The following SHROOM3 variants were observed in gnomAD, a reference collection of about 807,000 sequenced individuals.
SHROOM3 encodes shroom family member 3.
In SHROOM3, 47 loss-of-function variants were observed where a neutral mutation model predicts 138.6. The ratio of observed to expected loss-of-function variants is 0.34; its 90% confidence interval spans 0.27 to 0.43. The LOEUF (loss-of-function observed/expected upper bound fraction) is 0.43. Among genes scored for constraint, SHROOM3 ranks in the 20% least tolerant of loss-of-function variants. The pLI is 1.00. For synonymous variants in SHROOM3, 1,062 were observed against 1,063.3 expected (o/e 1.00, Z 0.02); for missense variants, 2,491 against 2,596.5 (o/e 0.96, Z 0.88).
At chr4:76,757,743 G>A (rs533474080) in intron 8 of SHROOM3, among the ~76,000 whole-genome samples, 6 of 152,164 alleles carry the variant, frequency 3.9e-5, no homozygotes, top group Non-Finnish European at 8.8e-5. Flanking sequence ...CCAGTGTGCA[G>A]TCTGTGCTTT....
At chr4:76,600,050 G>C (rs564917003) in intron 2 of SHROOM3, among the ~76,000 whole-genome samples, 2 of 152,164 alleles carry the variant, frequency 1.3e-5, no homozygotes, top group African/African-American at 4.8e-5. Flanking sequence ...TACTCAGGAG[G>C]CTGAGGTGGG....
At chr4:76,459,209 T>G (rs923569260) in intron 1 of SHROOM3, among the ~76,000 whole-genome samples, 29 of 152,312 alleles carry the variant, frequency 1.9e-4, no homozygotes, top group South Asian at 4.1e-4. Flanking sequence ...GCCATCAAAC[T>G]GGGTAAAATG....
intron 1 of SHROOM3, among the ~76,000 whole-genome samples, chr4:76,528,473 G>A (rs1206839979): frequency 6.7e-6 from 1 of 149,276 alleles, no homozygotes; most frequent in Non-Finnish European, 1.5e-5. Flanking sequence ...GCTTGCTCAT[G>A]CTCAGCAAAA....
chr4:76,750,762 A>C (rs913859308), intron 6 of SHROOM3, among the ~76,000 whole-genome samples: 2 of 152,030 alleles, frequency 1.3e-5, no homozygotes, highest in African/African-American at 4.8e-5. Flanking sequence ...CACAGGTGGC[A>C]ATTTTGTGGG....
intron 10 of SHROOM3, among the ~76,000 whole-genome samples, chr4:76,773,420 A>G (rs888817506): frequency 2.1e-4 from 32 of 152,018 alleles, no homozygotes; most frequent in Middle Eastern, 6.8e-3. Context: ...AAACTGACAG[A>G]AAGTACATGG....
At chr4:76,581,059 C>T (rs116659765) in intron 2 of SHROOM3, among the ~76,000 whole-genome samples, 103 of 152,088 alleles carry the variant, frequency 6.8e-4, no homozygotes, top group African/African-American at 2.4e-3. Flanking sequence ...AGTTTGTGTT[C>T]CACAATGATT....
intron 1 of SHROOM3, among the ~76,000 whole-genome samples, chr4:76,502,575 G>A (rs1043299070): frequency 1.3e-5 from 2 of 152,190 alleles, no homozygotes; most frequent in Admixed American, 1.3e-4. Context: ...GAATTGCTTG[G>A]TGTGTGGGGA....
At chr4:76,472,206 T>C (rs1731389930) in intron 1 of SHROOM3, among the ~76,000 whole-genome samples, 1 of 152,208 alleles carries the variant, frequency 6.6e-6, no homozygotes, top group African/African-American at 2.4e-5. Flanking sequence ...ATACACCTCA[T>C]GTGGATTGGG....
intron 1 of SHROOM3, among the ~76,000 whole-genome samples, chr4:76,462,671 TCTCTCCCTCTCCCTCTCC>T (rs1224348152): frequency 6.6e-6 from 1 of 151,114 alleles, no homozygotes; most frequent in Non-Finnish European, 1.5e-5. Flanking sequence ...CTTTGTTCTC[TCTCTCCCTCTCCCTCTCC>T]CTCTCTCTCT....
At chr4:76,643,820 G>A (rs1439613541) in intron 2 of SHROOM3, among the ~76,000 whole-genome samples, 1 of 152,126 alleles carries the variant, frequency 6.6e-6, no homozygotes, top group African/African-American at 2.4e-5. Context: ...ATTATTTACT[G>A]TTGGGTAGAA....
At chr4:76,572,444 G>A (rs1034521709) in intron 2 of SHROOM3, among the ~76,000 whole-genome samples, 9 of 152,170 alleles carry the variant, frequency 5.9e-5, no homozygotes, top group African/African-American at 1.9e-4. Flanking sequence ...GTCTCCCTGT[G>A]TGACTGACAC....
intron 2 of SHROOM3, among the ~76,000 whole-genome samples, chr4:76,636,243 ATT>A (rs1331672647): frequency 6.6e-6 from 1 of 152,202 alleles, no homozygotes; most frequent in African/African-American, 2.4e-5. Flanking sequence ...TGTGACAAAT[ATT>A]TCAAGAAACA....
intron 1 of SHROOM3, among the ~76,000 whole-genome samples, chr4:76,484,410 GA>G (rs377149865): frequency 0.05 from 7,363 of 146,808 alleles, 210 homozygotes; most frequent in Middle Eastern, 0.076. Context: ...CATCTCTTAA[GA>G]AAAAAAAAAA....
intron 1 of SHROOM3, among the ~76,000 whole-genome samples, chr4:76,447,257 G>A (rs989263093): frequency 1.3e-5 from 2 of 152,168 alleles, no homozygotes; most frequent in African/African-American, 4.8e-5. Context: ...AAAGTGCTTA[G>A]CACTTTGTAT....
intron 1 of SHROOM3, among the ~76,000 whole-genome samples, chr4:76,462,738 A>ATCTCTC (rs1423300494): frequency 2.4e-5 from 2 of 82,066 alleles, no homozygotes; most frequent in Middle Eastern, 9.4e-3. Context: ...TTCCCTCTCC[A>ATCTCTC]TCTCCATCTC....
chr4:76,570,604 C>T (rs572870670), intron 2 of SHROOM3, among the ~76,000 whole-genome samples: 3 of 152,306 alleles, frequency 2.0e-5, no homozygotes, highest in African/African-American at 7.2e-5. Context: ...GAATTTAAGA[C>T]TCACCGTGTT....
At chr4:76,582,244 A>T (rs986837561) in intron 2 of SHROOM3, among the ~76,000 whole-genome samples, 5 of 152,160 alleles carry the variant, frequency 3.3e-5, no homozygotes, top group Admixed American at 3.3e-4. Flanking sequence ...CCCATTCATA[A>T]ATTTCCTAAG....
intron 1 of SHROOM3, among the ~76,000 whole-genome samples, chr4:76,514,661 T>G (rs1305128376): frequency 6.6e-6 from 1 of 152,236 alleles, no homozygotes; most frequent in Non-Finnish European, 1.5e-5. Context: ...GGATTTAATT[T>G]TATGATATGC....
At chr4:76,676,944 CAAAAAAAAA>C (rs58270392) in intron 2 of SHROOM3, among the ~76,000 whole-genome samples, 13 of 79,070 alleles carry the variant, frequency 1.6e-4, no homozygotes, top group African/African-American at 1.7e-4. Context: ...CTCCGTCTCA[CAAAAAAAAA>C]AAAAAAAAAA....
Sources: allele counts gnomAD v4.1 joint callset (sites outside exome capture counted in the v4.1 genomes callset), GRCh38; gene constraint gnomAD v4.1.1; transcripts MANE v1.5; gene names NCBI Gene and HGNC (gene_info 2026-07-23, HGNC 2026-07-21).